The following RSRC1 variants were observed in gnomAD, a reference collection of about 807,000 sequenced individuals.
The protein encoded by RSRC1 is serine/Arginine-related protein 53.
RSRC1 carries 39 observed loss-of-function variants against 49.1 expected under a neutral mutation model. The ratio of observed to expected loss-of-function variants is 0.79; its 90% CI spans 0.61 to 1.04. RSRC1 has a LOEUF of 1.04. Among genes scored for constraint, RSRC1 ranks in the 50% least tolerant of loss-of-function variants. The probability of loss-of-function intolerance (pLI) is 0.00; values close to 1 mark genes in which losing one functional copy is unlikely to be tolerated. For synonymous variants in RSRC1, 143 were observed against 130.8 expected, an observed-to-expected ratio of 1.09 and a Z score of -0.63; for missense variants, 388 against 402.4, an observed-to-expected ratio of 0.96 and a Z score of 0.31.
intron 4 of RSRC1, among the ~76,000 whole-genome samples, chr3:158,281,940 GA>G (rs1726200029): frequency 6.6e-6 from 1 of 152,154 alleles, no homozygotes; most frequent in Non-Finnish European, 1.5e-5. Flanking sequence ...TTCTATGTGT[GA>G]CCAATCAGAC....
intron 5 of RSRC1, among the ~76,000 whole-genome samples, chr3:158,339,726 C>T (rs564450859): frequency 6.6e-6 from 1 of 152,290 alleles, no homozygotes; most frequent in East Asian, 1.9e-4. Context: ...TTCAGGCACT[C>T]TCCTAGGTGC....
At chr3:158,294,368 T>C (rs1223724517) in intron 4 of RSRC1, among the ~76,000 whole-genome samples, 1 of 152,188 alleles carries the variant, frequency 6.6e-6, no homozygotes, top group Non-Finnish European at 1.5e-5. Context: ...TTGGTTCTTT[T>C]TCATAACTTC....
intron 3 of RSRC1, among the ~76,000 whole-genome samples, chr3:158,169,577 A>G (rs1718748853): frequency 6.6e-6 from 1 of 152,106 alleles, no homozygotes; most frequent in Non-Finnish European, 1.5e-5. Flanking sequence ...CTTCTCCTAG[A>G]GTACAATTAT....
intron 6 of RSRC1, among the ~76,000 whole-genome samples, chr3:158,444,457 A>G (rs1383199032): frequency 2.0e-5 from 3 of 152,096 alleles, no homozygotes; most frequent in Non-Finnish European, 4.4e-5. Flanking sequence ...CTAGCCATAT[A>G]TAGAAGGCTG....
At chr3:158,436,069 A>C (rs1736026028) in intron 6 of RSRC1, among the ~76,000 whole-genome samples, 1 of 151,936 alleles carries the variant, frequency 6.6e-6, no homozygotes, top group Non-Finnish European at 1.5e-5. Context: ...AACATTCCTC[A>C]GAGTCATCAT....
At chr3:158,276,125 A>G in intron 4 of RSRC1, 1 of 926,456 alleles carries the variant, frequency 1.1e-6, no homozygotes, top group East Asian at 2.4e-5. Flanking sequence ...TCTGCAACGG[A>G]CTGAAGCTGT....
intron 3 of RSRC1, among the ~76,000 whole-genome samples, chr3:158,147,708 A>G (rs1159327512): frequency 6.6e-6 from 1 of 152,196 alleles, no homozygotes; most frequent in Admixed American, 6.5e-5. Context: ...GTTTCCTACT[A>G]CATTATTGGT....
intron 7 of RSRC1, among the ~76,000 whole-genome samples, chr3:158,526,588 C>T (rs1469259640): frequency 6.6e-6 from 1 of 151,942 alleles, no homozygotes; most frequent in Non-Finnish European, 1.5e-5. Context: ...GAAATCTCAA[C>T]CAGAAATCTC....
chr3:158,262,623 T>C (rs1724965368), intron 4 of RSRC1, among the ~76,000 whole-genome samples: 1 of 152,182 alleles, frequency 6.6e-6, no homozygotes, highest in Non-Finnish European at 1.5e-5. Flanking sequence ...TTTATTAGGA[T>C]TGAATTGAGT....
chr3:158,189,234 G>A (rs954138404), intron 3 of RSRC1, among the ~76,000 whole-genome samples: 1 of 151,820 alleles, frequency 6.6e-6, no homozygotes, highest in African/African-American at 2.4e-5. Flanking sequence ...TTCGTGGCCC[G>A]CCATATACTT....
chr3:158,334,305 T>A (rs1238125549), intron 5 of RSRC1, among the ~76,000 whole-genome samples: 1 of 152,174 alleles, frequency 6.6e-6, no homozygotes, highest in African/African-American at 2.4e-5. Flanking sequence ...TATTTTAACC[T>A]CTGTGTCATG....
At chr3:158,218,248 G>A (rs1202856763) in intron 4 of RSRC1, among the ~76,000 whole-genome samples, 1 of 151,656 alleles carries the variant, frequency 6.6e-6, no homozygotes, top group African/African-American at 2.4e-5. Flanking sequence ...TCCAGCTGCA[G>A]TGTGGAAAAC....
intron 3 of RSRC1, among the ~76,000 whole-genome samples, chr3:158,176,932 C>T (rs1187809310): frequency 7.2e-5 from 11 of 152,096 alleles, no homozygotes; most frequent in Non-Finnish European, 1.3e-4. Flanking sequence ...CTACAAAGAA[C>T]TTAAACAAAT....
chr3:158,180,930 G>A (rs1178124996), intron 3 of RSRC1, among the ~76,000 whole-genome samples: 3 of 149,150 alleles, frequency 2.0e-5, no homozygotes, highest in Non-Finnish European at 3.0e-5. Context: ...TTAGTCTCCC[G>A]AGTAGCTGGG....
intron 5 of RSRC1, among the ~76,000 whole-genome samples, chr3:158,354,135 T>A (rs1189730548): frequency 6.6e-6 from 1 of 151,168 alleles, no homozygotes. Flanking sequence ...GGACTATAGG[T>A]GCATGCCACC....
In RSRC1 at chr3:158,539,577, T is replaced by G. The variant is rs1712918134; in HGVS notation, c.759+2379T>G. On this transcript the variant is annotated intron_variant, in intron 8 of 9. Transcript: ENST00000611884. This position sits in a 1 kb window ranked among gnomAD's most constrained non-coding sequence, Gnocchi z 4.1. ...CATGGTCTTTTGGCCTACTTGGAAG[T>G]AGATTTTAGTACTAATTTTTACAAA... is the stretch of plus-strand genomic sequence containing the variant. 6.6e-6 allele frequency among the ~76,000 whole-genome samples: 1 copy of G among 152,046 alleles called. No individual in the cohort carries two copies. Among genetic ancestry groups the G allele is most frequent in the African/African-American group, 2.4e-5 (1 of 41,426 alleles).
At chr3:158,180,600 C>T (rs1305189596) in intron 3 of RSRC1, among the ~76,000 whole-genome samples, 2 of 149,698 alleles carry the variant, frequency 1.3e-5, no homozygotes, top group Non-Finnish European at 1.5e-5. Context: ...GTAGCTGGGG[C>T]TACAGATGTG....
At chr3:158,442,363 T>G (rs1455180527) in intron 6 of RSRC1, among the ~76,000 whole-genome samples, 1 of 152,190 alleles carries the variant, frequency 6.6e-6, no homozygotes, top group Non-Finnish European at 1.5e-5. Flanking sequence ...ACTAAGTTTT[T>G]GTATAATACT....
chr3:158,431,492 G>A (rs537323809), intron 6 of RSRC1, among the ~76,000 whole-genome samples: 4 of 151,620 alleles, frequency 2.6e-5, no homozygotes, highest in African/African-American at 9.7e-5. Context: ...ATTAGACTAA[G>A]TTTCTCTATT....
Sources: gnomAD v4.1 joint callset for allele counts (sites outside exome capture counted in the v4.1 genomes callset) on GRCh38, gnomAD v4.1.1 for gene constraint, Gnocchi (gnomAD v3.1) non-coding constraint, MANE v1.5 for transcripts, NCBI Gene and HGNC (gene_info 2026-07-23, HGNC 2026-07-21) for gene names.